The following ZNF775 variants were observed in gnomAD, a reference collection of about 807,000 sequenced individuals.
The protein encoded by ZNF775 is zinc finger protein 775.
ZNF775 carries 1 observed loss-of-function variant against 2.4 expected under a neutral mutation model. The observed-to-expected ratio is 0.41, with a 90% CI of 0.15 to 1.94. The LOEUF (loss-of-function observed/expected upper bound fraction) is 1.94. Among genes scored for constraint, ZNF775 ranks in the 30% most tolerant of loss-of-function variants. The pLI is 0.30. For missense variants in ZNF775, 823 were observed against 826.6 expected (o/e 1.00, Z 0.05); for synonymous variants, 381 against 373.3 (o/e 1.02, Z -0.24).
chr7:150,387,225 G>A (rs1433633102), intron 1 of ZNF775, among the ~76,000 whole-genome samples: 2 of 150,782 alleles, frequency 1.3e-5, no homozygotes, highest in African/African-American at 4.9e-5. Flanking sequence ...AACCCAGGAA[G>A]TGGTGATTGT....
At position 150,398,428 on chromosome 7, in the gene ZNF775, G is replaced by C; in HGVS notation, c.*333G>C. On this transcript the variant is annotated 3_prime_UTR_variant, in exon 3 of 3. Coordinates refer to ENST00000329630, the MANE Select transcript of ZNF775 (RefSeq NM_173680.4). ...AGAGTCTCTGGTGTGAAGTGGCTTA[G>C]GTCTGGACTGGTCAGCTGTGGCACC... 3.0e-6 allele frequency: 1 copy of C among 329,566 alleles called. No homozygotes were observed. The highest frequency in any genetic ancestry group is 5.5e-6 in the Non-Finnish European group (1 of 181,378). The allele number at this position is 329,566 out of a possible 1,614,324, so 20.4% of individuals were successfully genotyped here.
At chr7:150,386,838 C>T (rs909297839) in intron 1 of ZNF775, among the ~76,000 whole-genome samples, 3 of 152,314 alleles carry the variant, frequency 2.0e-5, no homozygotes, top group East Asian at 3.9e-4. Flanking sequence ...GCATTTGTTA[C>T]GGGCCCTCTG....
chr7:150,385,663 G>T (rs1800439725), intron 1 of ZNF775, among the ~76,000 whole-genome samples: 1 of 152,216 alleles, frequency 6.6e-6, no homozygotes, highest in African/African-American at 2.4e-5. Flanking sequence ...TCCAGCAAGA[G>T]GACTGGACAT....
intron 1 of ZNF775, among the ~76,000 whole-genome samples, chr7:150,385,703 C>T (rs942463333): frequency 6.6e-6 from 1 of 152,204 alleles, no homozygotes. Flanking sequence ...GCAGGTCGTC[C>T]TAAATTCACC....
At position 150,398,081 on chromosome 7, in the gene ZNF775, G is replaced by T. The variant is rs1306072024; in HGVS notation, c.1600G>T (p.Glu534Ter). The T allele has an allele frequency of 6.4e-7, 1 of 1,552,672 alleles. No individual in the cohort carries two copies. Among genetic ancestry groups the T allele is most frequent in the South Asian group, 1.2e-5 (1 of 85,786 alleles). The change falls in exon 3 of 3, where the codon GAG becomes TAG. Residue 534 changes from glutamate (E) to a stop codon, truncating the protein, a stop_gained. Transcript: ENST00000329630. LOFTEE classifies it high-confidence loss of function. ...HRAAPACSPK[E>*]EAR is the part of the protein sequence containing the mutation. ...CGCGGCCCCTGCGTGCAGCCCCAAG[G>T]AGGAGGCGCGCTAGTGGACTGGACC...
At chr7:150,394,776 C>T (rs1800620904) in intron 2 of ZNF775, among the ~76,000 whole-genome samples, 2 of 151,390 alleles carry the variant, frequency 1.3e-5, no homozygotes, top group African/African-American at 4.9e-5. Context: ...AGTTTTTTCA[C>T]TTTTAATAAG....
In ZNF775 at chr7:150,387,551, C is replaced by T. The variant is rs191270157; in HGVS notation, c.-49-871C>T. 7.7e-3 allele frequency among the ~76,000 whole-genome samples: 1,171 copies of T among 152,262 alleles called. 13 individuals are homozygous for T. The highest frequency in any genetic ancestry group is 0.027 in the African/African-American group (1,119 of 41,562). On this transcript the variant is annotated intron_variant, in intron 1 of 2. Coordinates refer to ENST00000329630, the MANE Select transcript of ZNF775 (RefSeq NM_173680.4). ...AAAGAAGGCCGGGCGCAGTGGCTCA[C>T]GCCTGTAATCCCAGCACTTCAGGAG... is the stretch of plus-strand genomic sequence containing the variant.
At position 150,397,041 on chromosome 7, in the gene ZNF775, G is replaced by A. The variant is rs1483969193; in HGVS notation, c.560G>A (p.Arg187Gln). The A allele has an allele frequency of 6.3e-7, 1 of 1,596,744 alleles. No homozygotes were observed. The highest frequency in any genetic ancestry group is 1.1e-5 in the South Asian group (1 of 90,556). Residue 187 changes from arginine to glutamine, a missense_variant, in exon 3 of 3, where the codon CGG (arginine) becomes CAG (glutamine). By Grantham distance (43) the Arg-to-Gln change is conservative (BLOSUM62 1). Transcript: ENST00000329630. ...CTCAAGCACCAGAAGACCCACTCCC[G>A]GCCCGCCACCCACTCGTGCCCCGAG... ...HLLKHQKTHS[R>Q]PATHSCPECE...
At chr7:150,380,624 G>A (rs189956703) in intron 1 of ZNF775, among the ~76,000 whole-genome samples, 73 of 152,282 alleles carry the variant, frequency 4.8e-4, no homozygotes, top group Non-Finnish European at 8.4e-4. Context: ...GGGGCGTGTC[G>A]GGGTGCAATG....
rs748491484 is a variant in ZNF775 at position 150,397,982 on chromosome 7, CCCTA to C, written c.1505_1508del (p.Tyr502CysfsTer66). On this transcript the variant is annotated frameshift_variant, in exon 3 of 3. Coordinates refer to ENST00000329630, the MANE Select transcript of ZNF775 (RefSeq NM_173680.4). LOFTEE classifies it low-confidence loss of function (END_TRUNC). Reference sequence around the variant, plus strand: ...CCGGCGCAACCACACAGGCGAGCGGCCCTACCTGTGTCCCGCCTGCGGCCGCGGC... The same window carrying C: ...CCGGCGCAACCACACAGGCGAGCGGCCCTGTGTCCCGCCTGCGGCCGCGGC... 1 of 1,597,370 alleles carries C rather than the reference CCCTA, an allele frequency of 6.3e-7. No individual in the cohort carries two copies. The highest frequency in any genetic ancestry group is 8.5e-7 in the Non-Finnish European group (1 of 1,177,580).
Position 150,397,497 on chromosome 7 carries a change from GC to G in ZNF775, c.1019del (p.Pro340ArgfsTer150). 1 of 1,581,774 alleles carries G rather than the reference GC, an allele frequency of 6.3e-7. No individual in the cohort carries two copies. Among genetic ancestry groups the G allele is most frequent in the Non-Finnish European group, 8.5e-7 (1 of 1,170,874 alleles). On this transcript the variant is annotated frameshift_variant, in exon 3 of 3. Transcript: ENST00000329630. LOFTEE classifies it low-confidence loss of function (END_TRUNC). ...RNHTGERPHP[C>X]PHCGRGFRQK... is the part of the protein sequence containing the mutation. Reference sequence around the variant, plus strand: ...CACACAGGCGAGCGCCCGCACCCCTGCCCGCACTGTGGCCGCGGCTTCCGCC... The same window carrying G: ...CACACAGGCGAGCGCCCGCACCCCTGCCGCACTGTGGCCGCGGCTTCCGCC...
At chr7:150,389,340 T>G (rs1422509315) in intron 2 of ZNF775, among the ~76,000 whole-genome samples, 1 of 152,154 alleles carries the variant, frequency 6.6e-6, no homozygotes, top group Non-Finnish European at 1.5e-5. Context: ...CCCAGGAATA[T>G]CATGTCAGGA....
chr7:150,390,506 T>G (rs1308415613), intron 2 of ZNF775, among the ~76,000 whole-genome samples: 1 of 152,234 alleles, frequency 6.6e-6, no homozygotes, highest in African/African-American at 2.4e-5. Flanking sequence ...ATCATGCCTG[T>G]GTGTATACAT....
intron 2 of ZNF775, 97 bp downstream of exon 2, chr7:150,388,598 C>A (rs1267493491): frequency 1.5e-6 from 2 of 1,363,344 alleles, no homozygotes; most frequent in Non-Finnish European, 2.0e-6. Context: ...CCAGTGCCCT[C>A]AGCCAGTAGC....
chr7:150,398,010 G>C lies in ZNF775; in HGVS notation c.1529G>C (p.Gly510Ala), dbSNP rs1158214202. 7 of 1,585,056 alleles carry C rather than the reference G, an allele frequency of 4.4e-6. No individual in the cohort carries two copies. Among genetic ancestry groups the C allele is most frequent in the Non-Finnish European group, 6.0e-6 (7 of 1,171,518 alleles). Residue 510 changes from glycine to alanine, a missense_variant, in exon 3 of 3, where the codon GGC (glycine) becomes GCC (alanine). Gly to Ala is a moderately conservative substitution (Grantham distance 60, BLOSUM62 0). Coordinates refer to ENST00000329630, the MANE Select transcript of ZNF775 (RefSeq NM_173680.4). ...RPYLCPACGR[G>A]FSQKQHLLKH... ...TACCTGTGTCCCGCCTGCGGCCGCG[G>C]CTTCAGCCAGAAGCAGCACCTGCTC...
At position 150,398,322 on chromosome 7, in the gene ZNF775, G is replaced by C; in HGVS notation, c.*227G>C. 4.2e-6 allele frequency: 3 copies of C among 706,494 alleles called. No homozygotes were observed. The highest frequency in any genetic ancestry group is 3.2e-5 in the Admixed American group (1 of 31,214). The allele number at this position is 706,494 out of a possible 1,614,324, so 43.8% of individuals were successfully genotyped here. On this transcript the variant is annotated 3_prime_UTR_variant, in exon 3 of 3. Transcript: ENST00000329630. ...AGGGAAGATCCGAGTTCCTCACCGC[G>C]GGCCGGGATGTGACCACCCTCTTCA... is the stretch of plus-strand genomic sequence containing the variant.
chr7:150,383,271 G>A (rs537779606), intron 1 of ZNF775, among the ~76,000 whole-genome samples: 1 of 152,174 alleles, frequency 6.6e-6, no homozygotes, highest in South Asian at 2.1e-4. Context: ...TGGTCCTGAG[G>A]GATTTCTTAA....
chr7:150,397,710 C>T lies in ZNF775; in HGVS notation c.1229C>T (p.Pro410Leu). The T allele has an allele frequency of 1.4e-6, 2 of 1,400,404 alleles. No homozygotes were observed. Among genetic ancestry groups the T allele is most frequent in the Admixed American group, 3.3e-5 (1 of 29,880 alleles). The allele number at this position is 1,400,404 out of a possible 1,614,324, so 86.7% of individuals were successfully genotyped here. ...GACCAGCCGCAGGCCGAGGCCATCC[C>T]GGGCTTGGCCGCGAGGCCGCGGAGC... Reference protein sequence around the residue: ...PGDQPQAEAIPGLAARPRSSQ... With the variant: ...PGDQPQAEAILGLAARPRSSQ... The change falls in exon 3 of 3, where the codon CCG (proline) becomes CTG (leucine). Residue 410 changes from proline (P) to leucine (L), a missense_variant. Physicochemically the swap from Pro to Leu is moderately conservative, Grantham distance 98 (BLOSUM62 -3). Coordinates refer to ENST00000329630, the MANE Select transcript of ZNF775 (RefSeq NM_173680.4).
chr7:150,380,764 T>C (rs1800347899), intron 1 of ZNF775, among the ~76,000 whole-genome samples: 1 of 152,218 alleles, frequency 6.6e-6, no homozygotes, highest in Non-Finnish European at 1.5e-5. Flanking sequence ...TTACCTTTAG[T>C]TTCTTTAGGC....
Sources: allele counts gnomAD v4.1 joint callset (sites outside exome capture counted in the v4.1 genomes callset), GRCh38; gene constraint gnomAD v4.1.1; transcripts MANE v1.5; gene names NCBI Gene and HGNC (gene_info 2026-07-23, HGNC 2026-07-21).